The following ADGRL2 variants were observed in gnomAD, a reference collection of about 807,000 sequenced individuals.
ADGRL2 encodes calcium-independent alpha-latrotoxin receptor 2.
A neutral mutation model predicts 157.4 loss-of-function variants in ADGRL2; 44 were observed. The observed-to-expected ratio is 0.28, with a 90% confidence interval of 0.22 to 0.36. ADGRL2 has a LOEUF of 0.36. Ranked by LOEUF, ADGRL2 falls within the 10% of genes least tolerant of loss-of-function variation. The pLI is 1.00. For synonymous variants in ADGRL2, 585 were observed against 624.7 expected (o/e 0.94, Z 0.95); for missense variants, 1,510 against 1,768.9 (o/e 0.85, Z 2.63).
chr1:81,306,437 G>T (rs546037463), exon 1 of ADGRL2: 1 of 151,976 alleles, frequency 6.6e-6, no homozygotes, highest in Non-Finnish European at 1.5e-5. Context: ...TCAATTTACT[G>T]CAACTGCTGC....
At chr1:81,521,740 T>A (rs1212682168) in intron 2 of ADGRL2, among the ~76,000 whole-genome samples, 1 of 152,124 alleles carries the variant, frequency 6.6e-6, no homozygotes, top group African/African-American at 2.4e-5. Context: ...TTTAGTTAGG[T>A]GATTGAGGAA....
chr1:81,911,318 G>T (rs2094716634), intron 3 of ADGRL2, among the ~76,000 whole-genome samples: 1 of 151,880 alleles, frequency 6.6e-6, no homozygotes, highest in South Asian at 2.1e-4. Flanking sequence ...ATAATTGTTG[G>T]GGGGGGCAAC....
At chr1:81,643,784 T>C (rs1351562508) in intron 3 of ADGRL2, among the ~76,000 whole-genome samples, 1 of 152,180 alleles carries the variant, frequency 6.6e-6, no homozygotes, top group Non-Finnish European at 1.5e-5. Context: ...TCCATATTCA[T>C]GGATAAGAAG....
intron 3 of ADGRL2, among the ~76,000 whole-genome samples, chr1:81,685,243 A>C (rs2083204993): frequency 6.6e-6 from 1 of 152,210 alleles, no homozygotes; most frequent in Non-Finnish European, 1.5e-5. Context: ...TCATTTTCAC[A>C]ATATTGATTC....
chr1:81,979,087 G>T (rs188571846), intron 17 of ADGRL2, among the ~76,000 whole-genome samples: 7 of 151,678 alleles, frequency 4.6e-5, no homozygotes, highest in Admixed American at 4.6e-4. Context: ...TTGTCTCTCA[G>T]TCAAAACACA....
intron 3 of ADGRL2, among the ~76,000 whole-genome samples, chr1:81,935,976 A>G (rs1247981156): frequency 1.3e-5 from 2 of 151,962 alleles, no homozygotes; most frequent in Non-Finnish European, 2.9e-5. Flanking sequence ...TTTTAATGTT[A>G]TATTTTAGGG....
intron 2 of ADGRL2, among the ~76,000 whole-genome samples, chr1:81,874,972 G>C (rs1397110037): frequency 6.6e-6 from 1 of 152,126 alleles, no homozygotes; most frequent in Admixed American, 6.6e-5. Context: ...CTCCCAATGT[G>C]CTGGGATTAC....
intron 13 of ADGRL2, 63 bp from the exon 14 acceptor site, chr1:81,967,963 A>G (rs1657622391): frequency 2.3e-6 from 3 of 1,324,668 alleles, no homozygotes; most frequent in African/African-American, 1.5e-5. Flanking sequence ...TACATATTAA[A>G]CAATTGCTGT....
chr1:81,815,293 A>G (rs2090286495), intron 1 of ADGRL2, among the ~76,000 whole-genome samples: 1 of 151,848 alleles, frequency 6.6e-6, no homozygotes, highest in African/African-American at 2.4e-5. Flanking sequence ...TTAACTAAAA[A>G]GTTAGCTATG....
intron 2 of ADGRL2, among the ~76,000 whole-genome samples, chr1:81,876,110 T>A (rs996176886): frequency 4.7e-4 from 72 of 152,294 alleles, no homozygotes; most frequent in African/African-American, 1.7e-3. Context: ...AGCTAATTTT[T>A]AGAATATTTT....
At chr1:81,621,291 T>C (rs933901251) in intron 3 of ADGRL2, among the ~76,000 whole-genome samples, 1 of 152,196 alleles carries the variant, frequency 6.6e-6, no homozygotes, top group Non-Finnish European at 1.5e-5. Context: ...ATGGCTCCCA[T>C]GGTCTCCATG....
At chr1:81,816,200 A>G (rs1216921236) in intron 1 of ADGRL2, among the ~76,000 whole-genome samples, 1 of 151,812 alleles carries the variant, frequency 6.6e-6, no homozygotes, top group Non-Finnish European at 1.5e-5. Context: ...TTAGCTTTTA[A>G]TTGAAAATAA....
intron 2 of ADGRL2, among the ~76,000 whole-genome samples, chr1:81,466,042 CACATGTGT>C (rs1426194429): frequency 6.6e-6 from 1 of 152,090 alleles, no homozygotes; most frequent in Non-Finnish European, 1.5e-5. Flanking sequence ...TACAGTGTAC[CACATGTGT>C]ACATGTGTAA....
intron 1 of ADGRL2, among the ~76,000 whole-genome samples, chr1:81,306,944 T>G (rs1459783558): frequency 6.6e-6 from 1 of 152,220 alleles, no homozygotes; most frequent in Non-Finnish European, 1.5e-5. Context: ...TTGAAATGTT[T>G]TTAACAACAG....
intron 2 of ADGRL2, 74 bp downstream of exon 2, chr1:81,837,131 G>A (rs531248124): frequency 5.7e-5 from 40 of 697,040 alleles, no homozygotes; most frequent in Non-Finnish European, 9.1e-5. Context: ...ATATGGAAGT[G>A]CCTAGAATAT....
At chr1:81,713,871 A>G (rs1301037498) in intron 1 of ADGRL2, among the ~76,000 whole-genome samples, 2 of 152,230 alleles carry the variant, frequency 1.3e-5, no homozygotes, top group African/African-American at 4.8e-5. Flanking sequence ...CTGTTCTCAC[A>G]CTGCTAATAA....
At chr1:81,718,112 C>T (rs900167316) in intron 1 of ADGRL2, among the ~76,000 whole-genome samples, 31 of 152,256 alleles carry the variant, frequency 2.0e-4, no homozygotes, top group South Asian at 4.2e-4. Context: ...CTCCGCCTCT[C>T]GGGTTCAAGT....
rs987706350 is a variant in ADGRL2, at chr1:81,594,775, T to C, written c.-143+13795T>C. ...AAAATATTTAAAACTTGGTAAGCCA[T>C]TGGACAGCAAACAGCTTTTGAAAAA... On this transcript the variant is annotated intron_variant, in intron 3 of 24. Transcript: ENST00000370721. Among the ~76,000 whole-genome samples, 3 of 152,226 alleles carry C rather than the reference T, an allele frequency of 2.0e-5. No individual in the cohort carries two copies. The South Asian group carries it at 6.2e-4, about 32-fold the overall frequency.
intron 3 of ADGRL2, among the ~76,000 whole-genome samples, chr1:81,910,213 T>C (rs961789123): frequency 8.0e-5 from 12 of 150,690 alleles, no homozygotes; most frequent in African/African-American, 2.9e-4. Context: ...AACTCCAACC[T>C]GGGCAACGGA....
Sources: gnomAD v4.1 joint callset for allele counts (sites outside exome capture counted in the v4.1 genomes callset) on GRCh38, gnomAD v4.1.1 for gene constraint, MANE v1.5 for transcripts, NCBI Gene and HGNC (gene_info 2026-07-23, HGNC 2026-07-21) for gene names.